LRRC4C: variants seen among roughly 807,000 people sequenced by gnomAD.
LRRC4C encodes leucine-rich repeat-containing protein 4C.
Under a neutral mutation model 33.6 loss-of-function variants are expected in LRRC4C, and 5 were observed. The observed-to-expected ratio is 0.15, with a 90% CI of 0.08 to 0.31. The LOEUF (loss-of-function observed/expected upper bound fraction) is 0.31. Ranked by LOEUF, LRRC4C falls within the 10% of genes least tolerant of loss-of-function variation. The pLI is 1.00. For missense variants in LRRC4C, 560 were observed against 796.7 expected, an observed-to-expected ratio of 0.70 and a Z score of 3.58; for synonymous variants, 329 against 302.0, an observed-to-expected ratio of 1.09 and a Z score of -0.93.
At chr11:40,786,071 A>G (rs1950401092) in intron 2 of LRRC4C, among the ~76,000 whole-genome samples, 1 of 152,164 alleles carries the variant, frequency 6.6e-6, no homozygotes. Context: ...TTTGCATATA[A>G]ACTCATACGA....
intron 1 of LRRC4C, among the ~76,000 whole-genome samples, chr11:40,961,390 G>A (rs1850968871): frequency 6.6e-6 from 1 of 151,658 alleles, no homozygotes; most frequent in African/African-American, 2.4e-5. Flanking sequence ...CCTCCTTGGT[G>A]TCTGTGCTCT....
intron 1 of LRRC4C, among the ~76,000 whole-genome samples, chr11:41,319,175 A>C (rs1950882189): frequency 6.6e-6 from 1 of 152,218 alleles, no homozygotes. Context: ...TCTATGAACC[A>C]GGAAAGTTAT....
At chr11:41,003,191 G>GA (rs11352542) in intron 1 of LRRC4C, among the ~76,000 whole-genome samples, 2 of 151,880 alleles carry the variant, frequency 1.3e-5, no homozygotes, top group East Asian at 3.9e-4. Context: ...ATACAGTTCT[G>GA]AAAAAATGTT....
chr11:40,312,722 A>G (rs1481406105), intron 4 of LRRC4C, among the ~76,000 whole-genome samples: 1 of 152,176 alleles, frequency 6.6e-6, no homozygotes, highest in South Asian at 2.1e-4. Context: ...TCAGATACTA[A>G]CTACTCCATG....
At chr11:40,752,043 T>C (rs184614369) in intron 2 of LRRC4C, among the ~76,000 whole-genome samples, 74 of 152,214 alleles carry the variant, frequency 4.9e-4, no homozygotes, top group African/African-American at 1.7e-3. Context: ...AAATTGGATG[T>C]CCATGTGCAG....
At chr11:40,612,627 C>T (rs941721767) in intron 3 of LRRC4C, among the ~76,000 whole-genome samples, 16 of 151,954 alleles carry the variant, frequency 1.1e-4, no homozygotes, top group African/African-American at 3.9e-4. Context: ...ATGGTAAATA[C>T]AAGAAGTTGA....
intron 1 of LRRC4C, among the ~76,000 whole-genome samples, chr11:41,261,785 T>C (rs918559815): frequency 1.8e-4 from 28 of 152,116 alleles, no homozygotes; most frequent in African/African-American, 6.5e-4. Flanking sequence ...GGAAACAGCA[T>C]GATCAGCTGG....
chr11:40,141,038 C>A (rs1857327772), intron 5 of LRRC4C, among the ~76,000 whole-genome samples, 185 bp from the exon 6 acceptor site: 1 of 151,918 alleles, frequency 6.6e-6, no homozygotes, highest in Non-Finnish European at 1.5e-5. Flanking sequence ...TAACTACTGG[C>A]CATTTTGAAC....
chr11:40,893,140 A>G (rs1431016969), intron 2 of LRRC4C, among the ~76,000 whole-genome samples: 1 of 152,058 alleles, frequency 6.6e-6, no homozygotes, highest in Non-Finnish European at 1.5e-5. Flanking sequence ...AACAAACTTC[A>G]CATGTTCTCA....
intron 1 of LRRC4C, among the ~76,000 whole-genome samples, chr11:41,321,114 G>A (rs189995965): frequency 2.0e-5 from 3 of 152,162 alleles, no homozygotes; most frequent in Non-Finnish European, 1.5e-5. Context: ...ATTAAACTAG[G>A]CCCACTAATA....
chr11:41,037,153 T>C (rs1325541399), intron 1 of LRRC4C, among the ~76,000 whole-genome samples: 1 of 127,820 alleles, frequency 7.8e-6, no homozygotes, highest in East Asian at 2.7e-4. Flanking sequence ...CCCCTTTCTG[T>C]ACAAGAGAAA....
intron 6 of LRRC4C, among the ~76,000 whole-genome samples, chr11:40,127,645 A>C (rs1856352926): frequency 6.6e-6 from 1 of 152,224 alleles, no homozygotes; most frequent in African/African-American, 2.4e-5. Flanking sequence ...ATGAGAAAGT[A>C]AATGACTTTA....
intron 2 of LRRC4C, among the ~76,000 whole-genome samples, chr11:40,899,357 G>A (rs566708237): frequency 3.4e-4 from 52 of 152,224 alleles, no homozygotes; most frequent in African/African-American, 1.2e-3. Flanking sequence ...TCTTCGTACC[G>A]TGACCCTTCG....
At chr11:40,422,266 T>C (rs752417968) in intron 3 of LRRC4C, among the ~76,000 whole-genome samples, 2 of 152,144 alleles carry the variant, frequency 1.3e-5, no homozygotes, top group Non-Finnish European at 2.9e-5. Flanking sequence ...CCCTACGTAA[T>C]TGAAGAGACA....
chr11:40,853,712 T>C (rs1481199569), intron 2 of LRRC4C, among the ~76,000 whole-genome samples: 1 of 152,166 alleles, frequency 6.6e-6, no homozygotes, highest in Non-Finnish European at 1.5e-5. Context: ...ATCAATTTTG[T>C]CTTCTTGGCA....
intron 1 of LRRC4C, among the ~76,000 whole-genome samples, chr11:41,228,193 C>G (rs1310463764): frequency 6.6e-6 from 1 of 152,082 alleles, no homozygotes; most frequent in Non-Finnish European, 1.5e-5. Flanking sequence ...GTTTCTTTAT[C>G]ATCTCACCCT....
intron 5 of LRRC4C, among the ~76,000 whole-genome samples, chr11:40,234,133 A>G (rs957779449): frequency 2.6e-5 from 4 of 152,206 alleles, no homozygotes; most frequent in African/African-American, 9.6e-5. Context: ...AACACCTGCT[A>G]AGCAGCAGTA....
At chr11:40,912,743 C>G (rs891004352) in intron 2 of LRRC4C, among the ~76,000 whole-genome samples, 30 of 152,188 alleles carry the variant, frequency 2.0e-4, no homozygotes, top group African/African-American at 6.7e-4. Flanking sequence ...TTAAAAGACA[C>G]AGACTGGCAA....
At chr11:40,346,218 T>C (rs755574396) in intron 3 of LRRC4C, among the ~76,000 whole-genome samples, 21 of 152,180 alleles carry the variant, frequency 1.4e-4, no homozygotes, top group Non-Finnish European at 2.4e-4. Context: ...CAAATGAATA[T>C]AAATTGTTCT....
Sources: allele counts gnomAD v4.1 joint callset (sites outside exome capture counted in the v4.1 genomes callset), GRCh38; gene constraint gnomAD v4.1.1; transcripts MANE v1.5; gene names NCBI Gene and HGNC (gene_info 2026-07-23, HGNC 2026-07-21).